The following RARS2 variants were observed in gnomAD, a reference collection of about 807,000 sequenced individuals.
RARS2 encodes the protein probable arginine--tRNA ligase, mitochondrial.
A neutral mutation model predicts 88.5 loss-of-function variants in RARS2; 67 were observed. That is an observed-to-expected ratio of 0.76 (90% CI 0.62 to 0.93). The LOEUF (loss-of-function observed/expected upper bound fraction) is 0.93, where lower values mean the gene tolerates loss of function less well. Among genes scored for constraint, RARS2 ranks in the 40% least tolerant of loss-of-function variants. The probability of loss-of-function intolerance (pLI) is 0.00; values close to 1 mark genes in which losing one functional copy is unlikely to be tolerated. For missense variants in RARS2, 664 were observed against 684.2 expected (o/e 0.97, Z 0.33); for synonymous variants, 239 against 230.3 (o/e 1.04, Z -0.34).
At chr6:87,518,797 G>A (rs1199340614) in intron 15 of RARS2, 27 bp downstream of exon 15, 3 of 1,612,540 alleles carry the variant, frequency 1.9e-6, no homozygotes, top group Non-Finnish European at 2.5e-6. Flanking sequence ...AAACAAAAGG[G>A]CCTCACAGGT....
chr6:87,523,049 A>G (rs1004109641), intron 11 of RARS2, among the ~76,000 whole-genome samples: 18 of 152,240 alleles, frequency 1.2e-4, no homozygotes, highest in Admixed American at 9.8e-4. Context: ...TGGAGGAATT[A>G]TAATTTTTAA....
intron 6 of RARS2, 33 bp downstream of exon 6, chr6:87,548,558 C>T (rs372003086): frequency 3.5e-5 from 55 of 1,590,868 alleles, no homozygotes; most frequent in South Asian, 6.7e-5. Context: ...CTCAAAGGAA[C>T]GTTTAGCATT....
intron 12 of RARS2, 61 bp from the exon 13 acceptor site, chr6:87,520,317 T>C: frequency 7.5e-7 from 1 of 1,324,644 alleles, no homozygotes; most frequent in Non-Finnish European, 1.1e-6. Context: ...TAAAAATAGG[T>C]TGGACTTGAA....
At chr6:87,565,164 T>C (rs1359216014) in intron 2 of RARS2, among the ~76,000 whole-genome samples, 2 of 152,136 alleles carry the variant, frequency 1.3e-5, no homozygotes, top group Non-Finnish European at 2.9e-5. Flanking sequence ...AAAAACAGAC[T>C]GAGAAAAAAG....
chr6:87,528,148 G>A (rs1370575559), intron 10 of RARS2, among the ~76,000 whole-genome samples: 1 of 151,192 alleles, frequency 6.6e-6, no homozygotes, highest in Non-Finnish European at 1.5e-5. Flanking sequence ...ATATGAAAAG[G>A]TGCTGAACAT....
chr6:87,533,971 T>C (rs1027734399), intron 8 of RARS2, among the ~76,000 whole-genome samples: 6 of 152,180 alleles, frequency 3.9e-5, no homozygotes, highest in Non-Finnish European at 8.8e-5. Flanking sequence ...TAGCAAAACT[T>C]AGAAACCACA....
At chr6:87,522,743 G>A (rs62419386) in intron 11 of RARS2, among the ~76,000 whole-genome samples, 9,682 of 152,088 alleles carry the variant, frequency 0.064, 387 homozygotes, top group African/African-American at 0.12. Context: ...TACCCTCCTC[G>A]TCCTCCCAAA....
chr6:87,585,392 G>A lies in RARS2; in HGVS notation c.36+4530C>T, dbSNP rs114877963. Among the ~76,000 whole-genome samples the A allele has an allele frequency of 9.1e-3, 1,383 of 152,282 alleles. 21 individuals are homozygous for A. Among genetic ancestry groups the A allele is most frequent in the African/African-American group, 0.031 (1,288 of 41,538 alleles). On this transcript the variant is annotated intron_variant, in intron 1 of 19. Coordinates refer to ENST00000369536, the MANE Select transcript of RARS2 (RefSeq NM_020320.5). ...ATCATAGAAGCAAACAAGGGACTAAGAGAACTAGAGGACACACTTTTCAAA... is the reference window on the plus strand; with the variant it reads ...ATCATAGAAGCAAACAAGGGACTAAAAGAACTAGAGGACACACTTTTCAAA...
intron 1 of RARS2, among the ~76,000 whole-genome samples, chr6:87,580,607 A>G (rs1300493662): frequency 1.2e-4 from 18 of 145,064 alleles, no homozygotes; most frequent in Admixed American, 2.1e-4. Flanking sequence ...AAAAAAAAGG[A>G]CTTTTTTTTA....
intron 1 of RARS2, among the ~76,000 whole-genome samples, chr6:87,583,518 G>A (rs534343451): frequency 2.6e-5 from 4 of 152,002 alleles, no homozygotes; most frequent in East Asian, 1.9e-4. Flanking sequence ...GAACCTGGGA[G>A]GTGGAGGTTG....
At position 87,516,795 on chromosome 6, in the gene RARS2, T is replaced by C. The variant is rs768980513; in HGVS notation, c.1586+11A>G. On this transcript the variant is annotated intron_variant, in intron 18 of 19. Coordinates refer to ENST00000369536, the MANE Select transcript of RARS2 (RefSeq NM_020320.5). Reference sequence around the variant, plus strand: ...CCATTAACACCTGAAAACAGGAAGATTATAAAGTACCTTAAAGTTAGAAGG... The same window carrying C: ...CCATTAACACCTGAAAACAGGAAGACTATAAAGTACCTTAAAGTTAGAAGG... 1.2e-6 allele frequency: 2 copies of C among 1,612,962 alleles called. No individual in the cohort carries two copies. Among genetic ancestry groups the C allele is most frequent in the Non-Finnish European group, 1.7e-6 (2 of 1,179,456 alleles).
At chr6:87,585,317 G>T (rs1037285196) in intron 1 of RARS2, among the ~76,000 whole-genome samples, 2 of 152,138 alleles carry the variant, frequency 1.3e-5, no homozygotes, top group African/African-American at 4.8e-5. Context: ...GCTTATAGAG[G>T]AAACAGACAC....
chr6:87,516,510 G>A (rs903364677), intron 18 of RARS2, among the ~76,000 whole-genome samples: 3 of 152,080 alleles, frequency 2.0e-5, no homozygotes, highest in Admixed American at 1.3e-4. Context: ...CTCTCTGATC[G>A]CTCAAGGCTG....
chr6:87,543,509 T>G (rs1200011413), intron 7 of RARS2, among the ~76,000 whole-genome samples: 3 of 149,404 alleles, frequency 2.0e-5, no homozygotes, highest in Non-Finnish European at 4.5e-5. Flanking sequence ...GGCATGGTGG[T>G]GCATGCCTAT....
At chr6:87,534,886 A>G (rs1446345616) in intron 8 of RARS2, among the ~76,000 whole-genome samples, 1 of 152,216 alleles carries the variant, frequency 6.6e-6, no homozygotes. Flanking sequence ...ACCACCAGCT[A>G]ATGTTTGTCA....
chr6:87,569,193 AC>A (rs929416303), intron 2 of RARS2, among the ~76,000 whole-genome samples: 13 of 152,176 alleles, frequency 8.5e-5, no homozygotes, highest in African/African-American at 3.1e-4. Context: ...GATTCTAACC[AC>A]AATTTTAGTT....
chr6:87,533,644 A>T (rs1318140177), intron 8 of RARS2, among the ~76,000 whole-genome samples: 1 of 152,232 alleles, frequency 6.6e-6, no homozygotes, highest in Non-Finnish European at 1.5e-5. Flanking sequence ...GGAATAAACT[A>T]AATGTCTCAG....
chr6:87,552,065 C>T (rs1784512556), intron 5 of RARS2, among the ~76,000 whole-genome samples: 2 of 152,294 alleles, frequency 1.3e-5, no homozygotes, highest in South Asian at 2.1e-4. Flanking sequence ...ACAACCTACA[C>T]TACGTACCAG....
intron 1 of RARS2, among the ~76,000 whole-genome samples, chr6:87,577,639 T>G (rs1015061298): frequency 2.6e-5 from 4 of 152,240 alleles, no homozygotes; most frequent in Non-Finnish European, 4.4e-5. Flanking sequence ...GCATCTTATC[T>G]GGTTCAACAT....
Sources: gnomAD v4.1 joint callset for allele counts (sites outside exome capture counted in the v4.1 genomes callset) on GRCh38, gnomAD v4.1.1 for gene constraint, MANE v1.5 for transcripts, NCBI Gene and HGNC (gene_info 2026-07-23, HGNC 2026-07-21) for gene names.